SRPK2: variants seen among roughly 807,000 people sequenced by gnomAD.
SRPK2 encodes the protein SRSF protein kinase 2.
Under a neutral mutation model 90.8 loss-of-function variants are expected in SRPK2, and 21 were observed. That is an observed-to-expected ratio of 0.23 (90% CI 0.16 to 0.33). The LOEUF is 0.33. Among genes scored for constraint, SRPK2 ranks in the 10% least tolerant of loss-of-function variants. The pLI, the probability that SRPK2 is intolerant of heterozygous loss-of-function variation, is 1.00. For synonymous variants in SRPK2, 288 were observed against 311.1 expected, an observed-to-expected ratio of 0.93 and a Z score of 0.78; for missense variants, 620 against 869.0, an observed-to-expected ratio of 0.71 and a Z score of 3.60.
At chr7:105,254,380 A>C (rs1802927860) in intron 2 of SRPK2, among the ~76,000 whole-genome samples, 1 of 152,236 alleles carries the variant, frequency 6.6e-6, no homozygotes, top group Admixed American at 6.5e-5. Flanking sequence ...ATGACAACGT[A>C]AAGATGTATC....
At chr7:105,272,967 C>A (rs1382563465) in intron 2 of SRPK2, among the ~76,000 whole-genome samples, 4 of 152,126 alleles carry the variant, frequency 2.6e-5, no homozygotes, top group African/African-American at 7.2e-5. Context: ...GTAATCCCAG[C>A]ACCTTGGGAG....
intron 2 of SRPK2, among the ~76,000 whole-genome samples, chr7:105,238,755 CT>C (rs1305854138): frequency 1.4e-4 from 1 of 6,924 alleles, no homozygotes; most frequent in Admixed American, 1.2e-3. Flanking sequence ...AAAATTTGTT[CT>C]GTGTTTTGAT....
chr7:105,169,585 G>A (rs1234870838), intron 3 of SRPK2, among the ~76,000 whole-genome samples: 2 of 152,028 alleles, frequency 1.3e-5, no homozygotes, highest in African/African-American at 2.4e-5. Flanking sequence ...AAATCAGCAG[G>A]GCATGGTGGC....
intron 2 of SRPK2, among the ~76,000 whole-genome samples, chr7:105,247,671 A>T (rs1017961921): frequency 8.5e-5 from 13 of 152,072 alleles, no homozygotes; most frequent in Admixed American, 5.2e-4. Context: ...AAAAAGAAGA[A>T]GTTTAATTCT....
chr7:105,159,464 A>AAAAAAAAAAAC (rs1807168874), intron 7 of SRPK2, among the ~76,000 whole-genome samples: 4 of 141,674 alleles, frequency 2.8e-5, no homozygotes, highest in African/African-American at 8.8e-5. Context: ...AAAAAAAAAA[A>AAAAAAAAAAAC]AAAAAAAAAC....
intron 2 of SRPK2, among the ~76,000 whole-genome samples, chr7:105,326,306 T>C (rs1036085638): frequency 6.6e-6 from 1 of 152,178 alleles, no homozygotes; most frequent in Non-Finnish European, 1.5e-5. Context: ...ATTCCCCATA[T>C]GGTGGCCAGA....
At chr7:105,118,485 CTG>C (rs1376862070) in intron 15 of SRPK2, among the ~76,000 whole-genome samples, 1 of 152,176 alleles carries the variant, frequency 6.6e-6, no homozygotes, top group African/African-American at 2.4e-5. Flanking sequence ...ACTTCACAAA[CTG>C]TGCTAGCTGC....
At chr7:105,362,055 AAATTTTTACAATCTACCTATCTGAC>A (rs1818484151) in intron 2 of SRPK2, among the ~76,000 whole-genome samples, 2 of 152,180 alleles carry the variant, frequency 1.3e-5, no homozygotes, top group African/African-American at 4.8e-5. Flanking sequence ...GAATGGGAGA[AAATTTTTACAATCTACCTATCTGAC>A]AAAGGGCTAA....
intron 2 of SRPK2, among the ~76,000 whole-genome samples, chr7:105,270,189 CT>C (rs1563172906): frequency 6.6e-6 from 1 of 152,082 alleles, no homozygotes; most frequent in Non-Finnish European, 1.5e-5. Flanking sequence ...GCATGAATAC[CT>C]GATGAGAGAG....
chr7:105,349,986 C>T (rs1329439905), intron 2 of SRPK2, among the ~76,000 whole-genome samples: 1 of 150,528 alleles, frequency 6.6e-6, no homozygotes, highest in Admixed American at 6.7e-5. Flanking sequence ...ATCCACCTGC[C>T]TCAGCCTCCC....
At chr7:105,338,080 T>TA (rs34625808) in intron 2 of SRPK2, among the ~76,000 whole-genome samples, 84,075 of 140,252 alleles carry the variant, frequency 0.6, 24,343 homozygotes, top group South Asian at 0.62. Flanking sequence ...GAAAGAATAT[T>TA]AAAAAAAAAA....
chr7:105,380,081 G>A (rs1225889430), intron 2 of SRPK2, among the ~76,000 whole-genome samples: 1 of 152,164 alleles, frequency 6.6e-6, no homozygotes, highest in East Asian at 1.9e-4. Context: ...GGTGAAAGCG[G>A]CCTAGGCAAC....
At chr7:105,289,351 G>C (rs1808639251) in intron 2 of SRPK2, among the ~76,000 whole-genome samples, 1 of 152,012 alleles carries the variant, frequency 6.6e-6, no homozygotes, top group Non-Finnish European at 1.5e-5. Flanking sequence ...ATCACTCTCA[G>C]TGTATACTTA....
chr7:105,153,920 G>A (rs1806125622), intron 7 of SRPK2, among the ~76,000 whole-genome samples: 1 of 152,148 alleles, frequency 6.6e-6, no homozygotes, highest in Non-Finnish European at 1.5e-5. Flanking sequence ...AACACTGAGG[G>A]TTCCACTAGA....
intron 2 of SRPK2, among the ~76,000 whole-genome samples, chr7:105,258,566 G>A (rs914722085): frequency 6.6e-5 from 10 of 151,942 alleles, no homozygotes; most frequent in South Asian, 2.1e-4. Context: ...CCAAAGCCTC[G>A]TAGAGACACA....
intron 15 of SRPK2, among the ~76,000 whole-genome samples, chr7:105,120,653 T>TA (rs202070803): frequency 0.014 from 1,953 of 141,168 alleles, 21 homozygotes; most frequent in East Asian, 0.065. Flanking sequence ...GAACCGCCTC[T>TA]AAAAAAAAAA....
intron 2 of SRPK2, among the ~76,000 whole-genome samples, chr7:105,366,538 T>C (rs1240566048): frequency 6.6e-6 from 1 of 151,906 alleles, no homozygotes; most frequent in Non-Finnish European, 1.5e-5. Flanking sequence ...ACCAGCTAAT[T>C]TTTGTATTTT....
At chr7:105,253,712 A>G (rs751732354) in intron 2 of SRPK2, among the ~76,000 whole-genome samples, 14 of 152,216 alleles carry the variant, frequency 9.2e-5, no homozygotes, top group Non-Finnish European at 1.8e-4. Flanking sequence ...AGAAAAATGA[A>G]AAGGTCTTGA....
chr7:105,266,583 T>C (rs1490004561), intron 2 of SRPK2, among the ~76,000 whole-genome samples: 1 of 152,162 alleles, frequency 6.6e-6, no homozygotes, highest in Non-Finnish European at 1.5e-5. Flanking sequence ...ATGGGAACAC[T>C]GACTATATGC....
Sources: allele counts gnomAD v4.1 joint callset (sites outside exome capture counted in the v4.1 genomes callset), GRCh38; gene constraint gnomAD v4.1.1; transcripts MANE v1.5; gene names NCBI Gene and HGNC (gene_info 2026-07-23, HGNC 2026-07-21).